STPG2: variants seen among roughly 807,000 people sequenced by gnomAD.
STPG2 encodes the protein sperm-tail PG-rich repeat-containing protein 2.
STPG2 carries 56 observed loss-of-function variants against 54.2 expected under a neutral mutation model. The observed-to-expected ratio is 1.03, with a 90% confidence interval of 0.83 to 1.29. The LOEUF (loss-of-function observed/expected upper bound fraction) is 1.29. STPG2 is among the 50% of genes most tolerant of loss of function. The probability of loss-of-function intolerance (pLI) is 0.00; values close to 1 mark genes in which losing one functional copy is unlikely to be tolerated. For missense variants in STPG2, 596 were observed against 544.9 expected (o/e 1.09, Z -0.93); for synonymous variants, 200 against 181.8 (o/e 1.10, Z -0.81).
intron 9 of STPG2, among the ~76,000 whole-genome samples, chr4:97,837,417 C>A (rs972386182): frequency 1.3e-5 from 2 of 151,698 alleles, no homozygotes; most frequent in Non-Finnish European, 1.5e-5. Flanking sequence ...CTGCCCCCAA[C>A]CCATGACTAA....
intron 7 of STPG2, among the ~76,000 whole-genome samples, chr4:97,964,606 A>G (rs1010402715): frequency 2.0e-5 from 3 of 152,204 alleles, no homozygotes; most frequent in African/African-American, 4.8e-5. Context: ...AATCCCACAA[A>G]TATAATAAAA....
intron 10 of STPG2, among the ~76,000 whole-genome samples, chr4:97,637,149 C>T (rs955426868): frequency 1.0e-3 from 159 of 152,312 alleles, no homozygotes; most frequent in African/African-American, 3.7e-3. Flanking sequence ...CCACCATGAT[C>T]GAGTGGGCTT....
chr4:97,703,390 GAT>G (rs373048970), intron 10 of STPG2, among the ~76,000 whole-genome samples: 3 of 140,146 alleles, frequency 2.1e-5, no homozygotes, highest in Non-Finnish European at 3.1e-5. Context: ...GAACTAATAG[GAT>G]ATATATATAT....
intron 5 of STPG2, among the ~76,000 whole-genome samples, chr4:98,088,809 A>G (rs2110124071): frequency 6.6e-6 from 1 of 151,996 alleles, no homozygotes; most frequent in East Asian, 1.9e-4. Context: ...CTTCCATCCA[A>G]CCATTCTTCT....
At position 97,866,044 on chromosome 4, in the gene STPG2, A is replaced by G. The variant is rs371176956; in HGVS notation, c.1045-25112T>C. On this transcript the variant is annotated intron_variant, in intron 8 of 10. Coordinates refer to ENST00000295268, the MANE Select transcript of STPG2 (RefSeq NM_174952.3). ...TTATTTGTGGGAGCTAAAAATTAAA[A>G]CAGTTGAACTCATGGAGATTTCAAG... Among the ~76,000 whole-genome samples, 10 of 152,024 alleles carry G rather than the reference A, an allele frequency of 6.6e-5. No individual in the cohort carries two copies. The East Asian group carries it at 1.5e-3, about 24-fold the overall frequency.
chr4:97,486,860 A>AACACACACAC lies in STPG2; in HGVS notation c.462+225829_462+225838dup, dbSNP rs772458069. ...ATATATATATATATGTATGTATACA[A>AACACACACAC]ACACACACACACACACACACACACA... On this transcript the variant is annotated intron_variant, in intron 4 of 4. Coordinates refer to the STPG2 transcript ENST00000522676. Among the ~76,000 whole-genome samples the AACACACACAC allele has an allele frequency of 3.3e-3, 417 of 125,618 alleles. 4 individuals carry two copies. The highest frequency in any genetic ancestry group is 0.012 in the African/African-American group (403 of 32,912). 82.4% of individuals were successfully genotyped at this position (125,618 alleles called of 152,430 possible).
At chr4:98,135,930 T>C (rs552578247) in intron 1 of STPG2, among the ~76,000 whole-genome samples, 1 of 151,592 alleles carries the variant, frequency 6.6e-6, no homozygotes, top group East Asian at 1.9e-4. Context: ...TCAAACTACA[T>C]ATAAAATGAA....
intron 10 of STPG2, among the ~76,000 whole-genome samples, chr4:97,712,032 G>A (rs1425463566): frequency 1.3e-5 from 2 of 151,978 alleles, no homozygotes; most frequent in Non-Finnish European, 2.9e-5. Context: ...CTTGTCATTA[G>A]CCCCAAAAAG....
At chr4:98,115,752 AG>A (rs1355401062) in intron 3 of STPG2, among the ~76,000 whole-genome samples, 1 of 152,040 alleles carries the variant, frequency 6.6e-6, no homozygotes, top group African/African-American at 2.4e-5. Context: ...ACATTATTAC[AG>A]TATCAATTTG....
chr4:98,054,911 A>T (rs936125165), intron 5 of STPG2, among the ~76,000 whole-genome samples: 4 of 152,182 alleles, frequency 2.6e-5, no homozygotes, highest in African/African-American at 9.7e-5. Flanking sequence ...GGACAAAACT[A>T]ATGTCCTACA....
intron 10 of STPG2, among the ~76,000 whole-genome samples, chr4:97,595,643 C>T (rs1211358435): frequency 3.3e-5 from 5 of 150,988 alleles, no homozygotes; most frequent in Non-Finnish European, 7.4e-5. Flanking sequence ...AAATTCCAAC[C>T]AAGAATTTAA....
At chr4:97,562,267 C>T (rs1274483421) in intron 10 of STPG2, among the ~76,000 whole-genome samples, 5 of 152,228 alleles carry the variant, frequency 3.3e-5, no homozygotes, top group South Asian at 4.1e-4. Flanking sequence ...TATAAGAATG[C>T]CTGTGATTTT....
intron 5 of STPG2, among the ~76,000 whole-genome samples, chr4:97,999,397 T>G (rs1208388605): frequency 6.6e-6 from 1 of 152,034 alleles, no homozygotes; most frequent in East Asian, 1.9e-4. Context: ...AATTATCAGA[T>G]AGAGAAAAGA....
intron 8 of STPG2, among the ~76,000 whole-genome samples, chr4:97,899,904 G>A (rs1173998118): frequency 6.6e-6 from 1 of 152,008 alleles, no homozygotes; most frequent in Non-Finnish European, 1.5e-5. Flanking sequence ...TCTGGACACA[G>A]GAATGGGCAA....
intron 10 of STPG2, among the ~76,000 whole-genome samples, chr4:97,650,075 A>G (rs952236640): frequency 6.6e-6 from 1 of 152,068 alleles, no homozygotes; most frequent in Non-Finnish European, 1.5e-5. Context: ...TGCACAGTTC[A>G]CAATAGGGTT....
chr4:97,442,975 A>C (rs964031646), intron 4 of STPG2, among the ~76,000 whole-genome samples: 1 of 151,408 alleles, frequency 6.6e-6, no homozygotes, highest in Non-Finnish European at 1.5e-5. Context: ...TGAGAGTTGA[A>C]AGGAAAGGAG....
chr4:97,455,658 T>C (rs1229592936), intron 4 of STPG2, among the ~76,000 whole-genome samples: 1 of 152,190 alleles, frequency 6.6e-6, no homozygotes, highest in East Asian at 1.9e-4. Context: ...CAAGCTCACA[T>C]GTGATATAAT....
intron 7 of STPG2, among the ~76,000 whole-genome samples, chr4:97,955,124 A>C (rs977315441): frequency 6.6e-6 from 1 of 152,220 alleles, no homozygotes; most frequent in Non-Finnish European, 1.5e-5. Context: ...TAGTTGAAAT[A>C]GATGAAAAAA....
chr4:97,957,641 A>G (rs759755962), intron 7 of STPG2, among the ~76,000 whole-genome samples: 5 of 152,154 alleles, frequency 3.3e-5, no homozygotes, highest in Non-Finnish European at 5.9e-5. Flanking sequence ...GTTAAGAGGA[A>G]AAAAACAATC....
Sources: allele counts gnomAD v4.1 joint callset (sites outside exome capture counted in the v4.1 genomes callset), GRCh38; gene constraint gnomAD v4.1.1; transcripts MANE v1.5; gene names NCBI Gene and HGNC (gene_info 2026-07-23, HGNC 2026-07-21).